COQ2: variants seen among roughly 807,000 people sequenced by gnomAD.
The protein encoded by COQ2 is 4-hydroxybenzoate polyprenyltransferase, mitochondrial.
COQ2 carries 25 observed loss-of-function variants against 35.7 expected under a neutral mutation model. The observed-to-expected ratio is 0.70, with a 90% confidence interval of 0.51 to 0.98. The LOEUF is 0.98. Ranked by LOEUF, COQ2 falls within the 50% of genes least tolerant of loss-of-function variation. The probability of loss-of-function intolerance (pLI) is 0.00; values close to 1 mark genes in which losing one functional copy is unlikely to be tolerated. For missense variants in COQ2, 488 were observed against 473.5 expected, an observed-to-expected ratio of 1.03 and a Z score of -0.28; for synonymous variants, 206 against 186.2, an observed-to-expected ratio of 1.11 and a Z score of -0.86.
intron 2 of COQ2, among the ~76,000 whole-genome samples, chr4:83,275,126 A>T (rs936938362): frequency 1.3e-5 from 2 of 152,206 alleles, no homozygotes; most frequent in South Asian, 4.1e-4. Context: ...TTTCTAAGAA[A>T]TCCTAACATC....
At chr4:83,265,117 G>C (rs1032044334) in intron 6 of COQ2, among the ~76,000 whole-genome samples, 2 of 152,166 alleles carry the variant, frequency 1.3e-5, no homozygotes, top group African/African-American at 2.4e-5. Flanking sequence ...CCCCATGGTA[G>C]CCCTGCAAAT....
rs189059021 is a variant in COQ2, at chr4:83,280,622, G to C, written c.254-1508C>G. On this transcript the variant is annotated intron_variant, in intron 1 of 6. Coordinates refer to ENST00000647002, the MANE Select transcript of COQ2 (RefSeq NM_001358921.2). The stretch of plus-strand genomic sequence containing the variant: ...ACAATAAAAGATCAATCCAACAACA[G>C]GACAAGCACAGGGTCCTGCAAAGGC... Among the ~76,000 whole-genome samples the C allele has an allele frequency of 2.8e-3, 422 of 152,300 alleles. 6 individuals are homozygous for C. The highest frequency in any genetic ancestry group is 8.1e-4 in the Non-Finnish European group (55 of 68,028).
intron 2 of COQ2, among the ~76,000 whole-genome samples, chr4:83,276,118 C>T (rs897936538): frequency 7.0e-6 from 1 of 143,128 alleles, no homozygotes; most frequent in African/African-American, 2.8e-5. Flanking sequence ...ATAGAGTGTA[C>T]AGAATAAAAC....
At chr4:83,282,286 T>G (rs1167238682) in intron 1 of COQ2, among the ~76,000 whole-genome samples, 1 of 152,188 alleles carries the variant, frequency 6.6e-6, no homozygotes, top group Non-Finnish European at 1.5e-5. Context: ...GAAGCTGTAT[T>G]GCCTTCTCAA....
Position 83,267,260 on chromosome 4 carries a change from C to T in COQ2, c.951+326G>A, listed in dbSNP as rs1440385497. ...GGCATGGTGGTGCATGACTGTAGTCCCAGCTACCCAGGATGCTGAGGTGGG... is the reference window on the plus strand; with the variant it reads ...GGCATGGTGGTGCATGACTGTAGTCTCAGCTACCCAGGATGCTGAGGTGGG... On this transcript the variant is annotated intron_variant, in intron 6 of 6. Transcript: ENST00000647002. The T allele has an allele frequency of 1.4e-5, 6 of 441,374 alleles. No individual in the cohort carries two copies. The Admixed American group carries it at 1.6e-4, about 12-fold the overall frequency. 27.3% of individuals were successfully genotyped at this position (441,374 alleles called of 1,614,324 possible).
At chr4:83,277,555 C>T (rs991329873) in intron 2 of COQ2, among the ~76,000 whole-genome samples, 1 of 152,218 alleles carries the variant, frequency 6.6e-6, no homozygotes, top group African/African-American at 2.4e-5. Flanking sequence ...CAAAAGACTT[C>T]TACTGTTTTA....
chr4:83,273,713 A>G, intron 2 of COQ2, 96 bp from the exon 3 acceptor site: 1 of 1,142,850 alleles, frequency 8.8e-7, no homozygotes, highest in Non-Finnish European at 1.3e-6. Context: ...AGGCACAAAT[A>G]TGAATGAAGA....
intron 2 of COQ2, among the ~76,000 whole-genome samples, chr4:83,274,022 G>A (rs1302887187): frequency 6.7e-6 from 1 of 150,274 alleles, no homozygotes; most frequent in Non-Finnish European, 1.5e-5. Context: ...CAGGTATGGT[G>A]ATGTGTGCCT....
At chr4:83,278,021 C>T (rs1291330990) in intron 2 of COQ2, among the ~76,000 whole-genome samples, 1 of 123,868 alleles carries the variant, frequency 8.1e-6, no homozygotes, top group East Asian at 2.4e-4. Flanking sequence ...CACACACACA[C>T]ACGTAACACT....
intron 3 of COQ2, among the ~76,000 whole-genome samples, chr4:83,272,973 G>A (rs552144269): frequency 2.6e-5 from 4 of 152,156 alleles, no homozygotes; most frequent in Non-Finnish European, 4.4e-5. Context: ...TCGCATTGAA[G>A]CACTTTGTAA....
chr4:83,275,475 T>C (rs2126174177), intron 2 of COQ2, among the ~76,000 whole-genome samples: 1 of 152,256 alleles, frequency 6.6e-6, no homozygotes, highest in South Asian at 2.1e-4. Context: ...CATTTCCAGA[T>C]TTCTGGCTTC....
chr4:83,273,896 C>A (rs1204948078), intron 2 of COQ2, among the ~76,000 whole-genome samples: 3 of 145,872 alleles, frequency 2.1e-5, no homozygotes, highest in East Asian at 2.0e-4. Context: ...GTAATCCCAG[C>A]ACTTTGGGAG....
intron 1 of COQ2, 82 bp downstream of exon 1, chr4:83,284,430 C>G (rs1042988728): frequency 6.8e-7 from 1 of 1,472,474 alleles, no homozygotes; most frequent in Middle Eastern, 2.2e-4. Flanking sequence ...ACGCCCCGGC[C>G]GGCCGCCGCG....
intron 5 of COQ2, among the ~76,000 whole-genome samples, chr4:83,268,428 T>C (rs1734973216): frequency 6.6e-6 from 1 of 152,216 alleles, no homozygotes; most frequent in Non-Finnish European, 1.5e-5. Flanking sequence ...TCACGTAGTA[T>C]CAGTGGCTGT....
Position 83,282,066 on chromosome 4 carries a change from A to C in COQ2, c.253+2446T>G, listed in dbSNP as rs992988514. Among the ~76,000 whole-genome samples, 7 of 152,358 alleles carry C rather than the reference A, an allele frequency of 4.6e-5. No individual in the cohort carries two copies. In the East Asian group the frequency reaches 9.6e-4, roughly 21 times the overall value. On this transcript the variant is annotated intron_variant, in intron 1 of 6. Transcript: ENST00000647002. ...AAGAGACAAGTAGATTGCAAAAAGA[A>C]ATGTTTTTGTAGAAAAGGGAAAAAC...
In COQ2 at chr4:83,279,007, G is replaced by A; in HGVS notation, c.361C>T (p.Leu121=). 1 of 1,609,042 alleles carries A rather than the reference G, an allele frequency of 6.2e-7. No individual in the cohort carries two copies. The highest frequency in any genetic ancestry group is 1.1e-5 in the South Asian group (1 of 89,856). The change falls in exon 2 of 7, where the codon CTG becomes TTG. Residue 121 remains leucine, a synonymous_variant. Coordinates refer to ENST00000647002, the MANE Select transcript of COQ2 (RefSeq NM_001358921.2). ...MLSLFGTGAI[L]MRGAGCTIND... ...ATAGTACAGCCTGCTCCACGCATCA[G>A]AATAGCTCCAGTGCCAAAGAGGGAG... is the stretch of plus-strand genomic sequence containing the variant.
At chr4:83,267,129 C>T (rs1560491635) in intron 6 of COQ2, 1 of 453,342 alleles carries the variant, frequency 2.2e-6, no homozygotes, top group East Asian at 7.0e-5. Flanking sequence ...AATCCCAGCA[C>T]TTTTGGGAGA....
intron 2 of COQ2, among the ~76,000 whole-genome samples, chr4:83,277,221 G>A (rs1304126313): frequency 6.6e-6 from 1 of 152,152 alleles, no homozygotes; most frequent in Admixed American, 6.5e-5. Context: ...CAGTGTGCAT[G>A]TCTTGGCAAA....
intron 3 of COQ2, 58 bp downstream of exon 3, chr4:83,273,438 T>C: frequency 6.6e-7 from 1 of 1,516,952 alleles, no homozygotes; most frequent in Middle Eastern, 1.7e-4. Flanking sequence ...ATTTTATTCC[T>C]ATTTTCTCCA....
Sources: allele counts gnomAD v4.1 joint callset (sites outside exome capture counted in the v4.1 genomes callset), GRCh38; gene constraint gnomAD v4.1.1; transcripts MANE v1.5; gene names NCBI Gene and HGNC (gene_info 2026-07-23, HGNC 2026-07-21).